The following SND1 variants were observed in gnomAD, a reference collection of about 807,000 sequenced individuals.
The protein encoded by SND1 is staphylococcal nuclease and tudor domain containing 1, also known as staphylococcal nuclease domain-containing protein 1.
A neutral mutation model predicts 121.7 loss-of-function variants in SND1; 38 were observed. The ratio of observed to expected loss-of-function variants is 0.31; its 90% CI spans 0.24 to 0.41. SND1 has a LOEUF of 0.41. SND1 is among the 10% of genes least tolerant of loss of function. The pLI, the probability that SND1 is intolerant of heterozygous loss-of-function variation, is 1.00. For synonymous variants in SND1, 401 were observed against 447.4 expected (o/e 0.90, Z 1.31); for missense variants, 868 against 1,184.6 (o/e 0.73, Z 3.92).
rs953257429 is a variant in SND1 at position 128,030,312 on chromosome 7, G to C, written c.1779+39256G>C. 5 of 1,614,034 alleles carry C rather than the reference G, an allele frequency of 3.1e-6. No individual in the cohort carries two copies. In the African/African-American group the frequency reaches 6.7e-5, roughly 22 times the overall value. On this transcript the variant is annotated intron_variant, in intron 16 of 23. Coordinates refer to ENST00000354725, the MANE Select transcript of SND1 (RefSeq NM_014390.4). ...GGCCCCCACCTCAATCTGCCGGATG[G>C]AGTTCCTGCCCAACTGCAGGACCTC...
At position 128,086,605 on chromosome 7, in the gene SND1, A is replaced by AG. The variant is rs893689523; in HGVS notation, c.2305-330dup. On this transcript the variant is annotated intron_variant, in intron 20 of 23. Coordinates refer to ENST00000354725, the MANE Select transcript of SND1 (RefSeq NM_014390.4). ...CCCCCTGGCCTGTGGGAACGTAGTC[A>AG]GGGAACCCATGTCACAGACAGAAGG... 8 of 377,712 alleles carry AG rather than the reference A, an allele frequency of 2.1e-5. No individual in the cohort carries two copies. In the Admixed American group the frequency reaches 3.3e-4, roughly 16 times the overall value. The allele number at this position is 377,712 out of a possible 1,614,324, so 23.4% of individuals were successfully genotyped here. A position where few individuals can be genotyped will look rare whatever the true frequency, so the allele number is the denominator to read the frequency against.
chr7:128,071,445 TTTAA>T (rs1793408030), intron 16 of SND1, among the ~76,000 whole-genome samples: 2 of 152,226 alleles, frequency 1.3e-5, no homozygotes, highest in Admixed American at 6.5e-5. Context: ...GTGTCTATCT[TTTAA>T]TTAAGAGAAG....
intron 15 of SND1, among the ~76,000 whole-genome samples, chr7:127,933,901 T>C (rs1416208271): frequency 6.6e-6 from 1 of 152,124 alleles, no homozygotes; most frequent in Non-Finnish European, 1.5e-5. Flanking sequence ...CTCTGAGACT[T>C]TGGAGCAAGG....
intron 12 of SND1, among the ~76,000 whole-genome samples, chr7:127,863,851 G>A (rs1799421608): frequency 6.6e-6 from 1 of 152,220 alleles, no homozygotes; most frequent in Non-Finnish European, 1.5e-5. Flanking sequence ...GCAAATGGGT[G>A]TGGTGTCCCC....
intron 14 of SND1, among the ~76,000 whole-genome samples, chr7:127,912,515 A>G (rs1563055925): frequency 2.0e-5 from 3 of 152,202 alleles, no homozygotes; most frequent in Non-Finnish European, 4.4e-5. Context: ...AATGATTTCA[A>G]ACTTTACATT....
intron 16 of SND1, among the ~76,000 whole-genome samples, chr7:128,044,518 T>C (rs914877338): frequency 6.6e-6 from 1 of 152,178 alleles, no homozygotes; most frequent in African/African-American, 2.4e-5. Flanking sequence ...TGAAAATTTT[T>C]TCTTCCTTGC....
intron 10 of SND1, among the ~76,000 whole-genome samples, chr7:127,761,283 CTA>C (rs964610145): frequency 1.3e-5 from 2 of 152,166 alleles, no homozygotes; most frequent in African/African-American, 4.8e-5. Context: ...TTTCAAATAT[CTA>C]TATGTAAATT....
At position 127,878,428 on chromosome 7, in the gene SND1, A is replaced by G. The variant is rs566211708; in HGVS notation, c.1344-9474A>G. The stretch of plus-strand genomic sequence containing the variant: ...TTTGGGGTCATGCCTTTATGTTGCC[A>G]TATAACCACAGCTGTGCTGGTGGGT... On this transcript the variant is annotated intron_variant, in intron 12 of 23. Transcript: ENST00000354725. 6.4e-4 allele frequency among the ~76,000 whole-genome samples: 97 copies of G among 152,288 alleles called. 1 individual carries two copies. Among genetic ancestry groups the G allele is most frequent in the Non-Finnish European group, 1.1e-3 (75 of 68,002 alleles).
chr7:127,673,177 A>G (rs1562973816), intron 1 of SND1, among the ~76,000 whole-genome samples: 1 of 138,194 alleles, frequency 7.2e-6, no homozygotes, highest in Non-Finnish European at 1.5e-5. Context: ...ATATATAAAC[A>G]TATACTATAT....
At chr7:128,081,114 A>G (rs538013234) in intron 17 of SND1, among the ~76,000 whole-genome samples, 7 of 152,086 alleles carry the variant, frequency 4.6e-5, no homozygotes, top group Admixed American at 4.6e-4. Flanking sequence ...CTCCTGCCTC[A>G]GCCTCCCAAG....
In SND1 at chr7:127,694,956, G is replaced by T. The variant is rs1795982272; in HGVS notation, c.349+8G>T. ...TGATCTACCTTGGAAAAGGTGAGCTGCAGGGAGAGGACTCATTTCTCTCAA... is the reference window on the plus strand; with the variant it reads ...TGATCTACCTTGGAAAAGGTGAGCTTCAGGGAGAGGACTCATTTCTCTCAA... On this transcript the variant is annotated splice_region_variant and intron_variant, in intron 3 of 23. Transcript: ENST00000354725. 3.1e-6 allele frequency: 5 copies of T among 1,609,838 alleles called. No individual in the cohort carries two copies. Among genetic ancestry groups the T allele is most frequent in the Admixed American group, 1.7e-5 (1 of 59,524 alleles).
chr7:127,737,898 A>G (rs943208669), intron 10 of SND1, among the ~76,000 whole-genome samples: 38 of 152,344 alleles, frequency 2.5e-4, no homozygotes, highest in African/African-American at 8.9e-4. Context: ...GAGGGCAGCC[A>G]TTGACAAATG....
At chr7:127,793,663 A>T (rs1272440807) in intron 10 of SND1, among the ~76,000 whole-genome samples, 1 of 152,324 alleles carries the variant, frequency 6.6e-6, no homozygotes, top group East Asian at 1.9e-4. Flanking sequence ...TTAGGGTGAC[A>T]TTACATGAAG....
At chr7:127,919,312 A>G (rs1800651294) in intron 14 of SND1, among the ~76,000 whole-genome samples, 1 of 152,116 alleles carries the variant, frequency 6.6e-6, no homozygotes, top group Admixed American at 6.5e-5. Context: ...GGTGGGACAC[A>G]GTTAAGTGTG....
chr7:128,011,166 G>A (rs928882059), intron 16 of SND1, among the ~76,000 whole-genome samples: 1 of 151,714 alleles, frequency 6.6e-6, no homozygotes, highest in African/African-American at 2.4e-5. Context: ...ACCAGGTGCT[G>A]AGGCTCAGAG....
At chr7:127,865,188 G>C (rs904650732) in intron 12 of SND1, among the ~76,000 whole-genome samples, 1 of 150,316 alleles carries the variant, frequency 6.7e-6, no homozygotes, top group African/African-American at 2.5e-5. Context: ...CCCTCTGAGA[G>C]CATCTACACA....
At chr7:128,070,802 C>T (rs747295756) in intron 16 of SND1, among the ~76,000 whole-genome samples, 2 of 152,116 alleles carry the variant, frequency 1.3e-5, no homozygotes, top group Non-Finnish European at 2.9e-5. Flanking sequence ...CATTATTCAC[C>T]GGTTACATAT....
rs41281725 is a variant in SND1, at chr7:127,844,545, T to A, written c.1343+121T>A. On this transcript the variant is annotated intron_variant, in intron 12 of 23. Coordinates refer to ENST00000354725, the MANE Select transcript of SND1 (RefSeq NM_014390.4). The stretch of plus-strand genomic sequence containing the variant: ...TTTCTCCTGCTCTTAACTCAGTGGT[T>A]TATAATTTTGTGCCTGTGTAGCACT... 11,332 of 756,374 alleles carry A rather than the reference T, an allele frequency of 0.015. 154 individuals are homozygous for A. Among genetic ancestry groups the A allele is most frequent in the South Asian group, 0.045 (2,159 of 48,196 alleles). 46.9% of individuals were successfully genotyped at this position (756,374 alleles called of 1,614,324 possible). A position where few individuals can be genotyped will look rare whatever the true frequency, so the allele number is the denominator to read the frequency against.
At chr7:127,752,063 C>T (rs1360462598) in intron 10 of SND1, among the ~76,000 whole-genome samples, 1 of 152,224 alleles carries the variant, frequency 6.6e-6, no homozygotes, top group Non-Finnish European at 1.5e-5. Context: ...CCAGCTAAGC[C>T]AGCCATGTTG....
Sources: allele counts gnomAD v4.1 joint callset (sites outside exome capture counted in the v4.1 genomes callset), GRCh38; gene constraint gnomAD v4.1.1; transcripts MANE v1.5; gene names NCBI Gene and HGNC (gene_info 2026-07-23, HGNC 2026-07-21).